CROCC2: variants seen among roughly 807,000 people sequenced by gnomAD.
CROCC2 encodes ciliary rootlet coiled-coil protein 2.
A neutral mutation model predicts 177.6 loss-of-function variants in CROCC2; 163 were observed. That is an observed-to-expected ratio of 0.92 (90% CI 0.81 to 1.05). The LOEUF (loss-of-function observed/expected upper bound fraction) is 1.05, where lower values mean the gene tolerates loss of function less well. CROCC2 is among the 50% of genes least tolerant of loss of function. CROCC2 has a pLI of 0.00. For synonymous variants in CROCC2, 904 were observed against 787.3 expected (o/e 1.15, Z -2.48); for missense variants, 1,929 against 1,797.8 (o/e 1.07, Z -1.32).
intron 2 of CROCC2, among the ~76,000 whole-genome samples, chr2:240,919,696 C>T (rs1337407065): frequency 1.3e-5 from 2 of 152,238 alleles, no homozygotes; most frequent in African/African-American, 4.8e-5. Context: ...GCCGCCCACA[C>T]ACTCTGCTGC....
intron 14 of CROCC2, among the ~76,000 whole-genome samples, chr2:240,944,795 G>T (rs1408628532): frequency 6.6e-6 from 1 of 151,910 alleles, no homozygotes; most frequent in Non-Finnish European, 1.5e-5. Context: ...CTTATTAGTG[G>T]TTTTTTTGTC....
At position 240,973,321 on chromosome 2, in the gene CROCC2, G is replaced by A. The variant is rs774619447; in HGVS notation, c.4401+5059G>A. 5.8e-4 allele frequency among the ~76,000 whole-genome samples: 89 copies of A among 152,270 alleles called. No homozygotes were observed. The Middle Eastern group carries it at 0.024, about 41-fold the overall frequency. ...GGACCAGCCCGTGGTGTCAGGACAC[G>A]CACGGAACGCAGCAGCAGTGCCCAA... On this transcript the variant is annotated intron_variant, in intron 27 of 31. Transcript: ENST00000690015. The surrounding 1 kb of genome is among the most constrained non-coding windows in gnomAD (Gnocchi z 4.7).
At position 240,920,000 on chromosome 2, in the gene CROCC2, A is replaced by G; in HGVS notation, c.247A>G (p.Thr83Ala). The G allele has an allele frequency of 1.4e-6, 1 of 716,188 alleles. No homozygotes were observed. The highest frequency in any genetic ancestry group is 1.7e-5 in the African/African-American group (1 of 57,356). The allele number at this position is 716,188 out of a possible 1,614,324, so 44.4% of individuals were successfully genotyped here. Residue 83 changes from threonine to alanine, a missense_variant, in exon 3 of 32, where the codon ACA becomes GCA. Thr to Ala is a moderately conservative substitution (Grantham distance 58). Around this residue, in one of 3 missense-constraint regions of CROCC2, gnomAD observed 1,397 missense variants for 1,239.9 expected, o/e 1.13. Transcript: ENST00000690015. ...CCGTGCAGCAGGGGTACAGGAGCCGACAGCCACTGTGGCCCGAGTGCAAGA... is the reference window on the plus strand; with the variant it reads ...CCGTGCAGCAGGGGTACAGGAGCCGGCAGCCACTGTGGCCCGAGTGCAAGA... ...EPPQAGVQEP[T>A]ATVARVQEEN...
chr2:240,959,711 A>C (rs2106475790), intron 20 of CROCC2: 1 of 358,064 alleles, frequency 2.8e-6, no homozygotes, highest in Non-Finnish European at 5.0e-6. Context: ...GGAAGCTGAC[A>C]CCAGTTTTCA....
chr2:240,983,258 G>A, intron 28 of CROCC2: 1 of 929,074 alleles, frequency 1.1e-6, no homozygotes, highest in Non-Finnish European at 1.5e-6. Context: ...TCAGGGGGCT[G>A]GATTTCTTGC....
At chr2:240,964,702 C>T in intron 22 of CROCC2, 77 bp downstream of exon 22, 3 of 1,464,062 alleles carry the variant, frequency 2.0e-6, no homozygotes, top group Non-Finnish European at 2.7e-6. Context: ...CCAGGGGAGC[C>T]CCCAGCCCTG....
intron 5 of CROCC2, among the ~76,000 whole-genome samples, chr2:240,927,590 C>T (rs778103402): frequency 4.6e-5 from 7 of 152,204 alleles, no homozygotes; most frequent in South Asian, 2.1e-4. Context: ...TTGTATTTTT[C>T]CTCATTAAGA....
In CROCC2 at chr2:240,963,684, G is replaced by A; in HGVS notation, c.3216G>A (p.Leu1072=). The change falls in exon 21 of 32, where the codon CTG becomes CTA. Residue 1072 remains leucine, a synonymous_variant. Transcript: ENST00000690015. The part of the protein sequence containing the change: ...HREAQEARRA[L]SDEAREKDVL... ...AGGCCCAGGAGGCCCGCCGGGCGCT[G>A]AGTGACGAGGCCCGCGAGAAGGACG... 1 of 1,550,270 alleles carries A rather than the reference G, an allele frequency of 6.5e-7. No individual in the cohort carries two copies. Among genetic ancestry groups the A allele is most frequent in the Non-Finnish European group, 8.7e-7 (1 of 1,146,828 alleles).
chr2:240,987,807 G>A (rs1363731445), intron 28 of CROCC2, among the ~76,000 whole-genome samples: 3 of 152,246 alleles, frequency 2.0e-5, no homozygotes, highest in Admixed American at 1.3e-4. Context: ...GGCTGGGCAC[G>A]GCAGAGCCTG....
intron 14 of CROCC2, among the ~76,000 whole-genome samples, chr2:240,939,321 A>G (rs2059484704): frequency 6.6e-6 from 1 of 152,134 alleles, no homozygotes; most frequent in African/African-American, 2.4e-5. Context: ...AATTTTTTAG[A>G]TGTTAAACTT....
rs146695571 is a variant in CROCC2, at chr2:240,993,067, G to C, written c.4948G>C (p.Ala1650Pro). ...GCCTCCCTCTTTGCATCCCTGCAGCGCCCAAAGGGACTGAAGCTCCCAGCA... is the reference window on the plus strand; with the variant it reads ...GCCTCCCTCTTTGCATCCCTGCAGCCCCCAAAGGGACTGAAGCTCCCAGCA... Reference protein sequence around the residue: ...HLGQAFQTGHAQRD With the variant: ...HLGQAFQTGHPQRD Residue 1650 changes from alanine to proline, a missense_variant and splice_region_variant, in exon 32 of 32, where the codon GCC becomes CCC. Transcript: ENST00000690015. The C allele has an allele frequency of 1.4e-6, 1 of 716,878 alleles. No individual in the cohort carries two copies. The allele number at this position is 716,878 out of a possible 1,614,324, so 44.4% of individuals were successfully genotyped here. A position where few individuals can be genotyped will look rare whatever the true frequency, so the allele number is the denominator to read the frequency against.
In CROCC2 at chr2:240,989,607, G is replaced by A. The variant is rs973339498; in HGVS notation, c.4684-47G>A. 86 of 1,503,318 alleles carry A rather than the reference G, an allele frequency of 5.7e-5. No individual in the cohort carries two copies. The Middle Eastern group carries it at 6.9e-4, about 12-fold the overall frequency. The allele number at this position is 1,503,318 out of a possible 1,614,324, so 93.1% of individuals were successfully genotyped here. ...GCACTCCTGCCCTGGGATTCTGTGC[G>A]GCCCTCAGTGAGAGACAGCAGTGAG... On this transcript the variant is annotated intron_variant, in intron 29 of 31. Transcript: ENST00000690015.
chr2:240,933,404 G>A, intron 10 of CROCC2, 62 bp downstream of exon 10: 1 of 1,409,020 alleles, frequency 7.1e-7, no homozygotes, highest in Non-Finnish European at 9.4e-7. Context: ...AGGGCCCAGG[G>A]CTGCTGTCAG....
At chr2:240,912,888 G>A (rs1181166875) in intron 1 of CROCC2, among the ~76,000 whole-genome samples, 2 of 152,162 alleles carry the variant, frequency 1.3e-5, no homozygotes, top group East Asian at 3.9e-4. Flanking sequence ...AGATCCCAAG[G>A]GACCAAGTCT....
At chr2:240,963,239 C>T (rs562962191) in intron 20 of CROCC2, 36 of 405,648 alleles carry the variant, frequency 8.9e-5, no homozygotes, top group Admixed American at 6.7e-4. Context: ...TGTGCTGAGC[C>T]GCATCCCAGG....
chr2:240,991,194 A>C lies in CROCC2; in HGVS notation c.4864-2A>C. On this transcript the variant is annotated splice_acceptor_variant, in intron 30 of 31. Transcript: ENST00000690015. LOFTEE classifies it high-confidence loss of function. ...TGACCTGAGCCACTGTCCTGTCCCC[A>C]GGTGGCCAGCCTGAAGGAGCAACTG... is the stretch of plus-strand genomic sequence containing the variant. The C allele has an allele frequency of 6.5e-7, 1 of 1,544,282 alleles. No individual in the cohort carries two copies. Among genetic ancestry groups the C allele is most frequent in the Non-Finnish European group, 8.7e-7 (1 of 1,143,890 alleles).
At chr2:240,913,966 C>A (rs575211792) in intron 1 of CROCC2, among the ~76,000 whole-genome samples, 19 of 152,372 alleles carry the variant, frequency 1.2e-4, no homozygotes, top group African/African-American at 4.3e-4. Flanking sequence ...CCTGGCAAGG[C>A]CAGACTTCCC....
intron 4 of CROCC2, among the ~76,000 whole-genome samples, chr2:240,923,423 C>A (rs112486537): frequency 1.3e-5 from 2 of 151,348 alleles, no homozygotes; most frequent in African/African-American, 4.9e-5. Context: ...GGGCCTCTGC[C>A]CGGCCCCCAC....
chr2:240,988,701 C>G (rs2059856564), intron 28 of CROCC2, 38 bp from the exon 29 acceptor site: 30 of 1,341,260 alleles, frequency 2.2e-5, no homozygotes, highest in Non-Finnish European at 2.9e-5. Context: ...CACTCCCTGC[C>G]AGGAGGCCAC....
Sources: gnomAD v4.1 joint callset for allele counts (sites outside exome capture counted in the v4.1 genomes callset) on GRCh38, gnomAD v4.1.1 for gene constraint, gnomAD v4.1.1 regional missense constraint, Gnocchi (gnomAD v3.1) non-coding constraint, MANE v1.5 for transcripts, NCBI Gene and HGNC (gene_info 2026-07-23, HGNC 2026-07-21) for gene names.